The following DGKI variants were observed in gnomAD, a reference collection of about 807,000 sequenced individuals.
DGKI encodes the protein diacylglycerol kinase iota.
Under a neutral mutation model 147.5 loss-of-function variants are expected in DGKI, and 55 were observed. The ratio of observed to expected loss-of-function variants is 0.37; its 90% CI spans 0.30 to 0.47. The LOEUF is 0.47. Ranked by LOEUF, DGKI falls within the 20% of genes least tolerant of loss-of-function variation. DGKI has a pLI of 1.00. For synonymous variants in DGKI, 469 were observed against 477.1 expected (o/e 0.98, Z 0.22); for missense variants, 1,007 against 1,323.8 (o/e 0.76, Z 3.71).
intron 1 of DGKI, among the ~76,000 whole-genome samples, chr7:137,808,998 T>A (rs181065913): frequency 6.6e-6 from 1 of 152,272 alleles, no homozygotes; most frequent in Non-Finnish European, 1.5e-5. Context: ...CCCTTCCCTA[T>A]CACCCAAAAG....
At chr7:137,481,800 G>C (rs574131199) in intron 23 of DGKI, among the ~76,000 whole-genome samples, 1 of 151,854 alleles carries the variant, frequency 6.6e-6, no homozygotes, top group African/African-American at 2.4e-5. Flanking sequence ...GATTTTTCTG[G>C]TCTTAGAAAA....
intron 1 of DGKI, among the ~76,000 whole-genome samples, chr7:137,762,587 T>G (rs1043423480): frequency 6.6e-6 from 1 of 152,242 alleles, no homozygotes; most frequent in Non-Finnish European, 1.5e-5. Flanking sequence ...AGTTGCTGCC[T>G]GAATGTGGAA....
chr7:137,769,107 A>G (rs551874826), intron 1 of DGKI, among the ~76,000 whole-genome samples: 2 of 152,222 alleles, frequency 1.3e-5, no homozygotes, highest in Non-Finnish European at 2.9e-5. Context: ...GGGATTTCGC[A>G]TTCTGATTAC....
intron 3 of DGKI, among the ~76,000 whole-genome samples, chr7:137,663,184 C>A (rs1822506496): frequency 1.3e-5 from 2 of 152,136 alleles, no homozygotes; most frequent in African/African-American, 4.8e-5. Context: ...TATGTGAGTG[C>A]TGTACAGGAT....
rs553249999 is a variant in DGKI at position 137,706,003 on chromosome 7, T to G, written c.402-16001A>C. The stretch of plus-strand genomic sequence containing the variant: ...AAGCTAATTTTTATTGCATTCCTAC[T>G]AGGCACCAAGCATGCTAGTCTATTA... On this transcript the variant is annotated intron_variant, in intron 1 of 32. Transcript: ENST00000614521. Among the ~76,000 whole-genome samples the G allele has an allele frequency of 2.0e-5, 3 of 152,278 alleles. No individual in the cohort carries two copies. In the South Asian group the frequency reaches 6.2e-4, roughly 32 times the overall value.
At chr7:137,642,334 A>T (rs1821658062) in intron 6 of DGKI, among the ~76,000 whole-genome samples, 1 of 152,054 alleles carries the variant, frequency 6.6e-6, no homozygotes, top group Admixed American at 6.6e-5. Context: ...GAGTCTTGTG[A>T]CTGAAAGTTG....
At chr7:137,620,139 C>G (rs78136744) in intron 7 of DGKI, among the ~76,000 whole-genome samples, 199 bp from the exon 8 acceptor site, 2,314 of 152,114 alleles carry the variant, frequency 0.015, 61 homozygotes, top group African/African-American at 0.053. Context: ...TTCCTCATCA[C>G]CACCCAGCCA....
rs1486711877 is a variant in DGKI, at chr7:137,381,508, A to AT, written c.*9711dup. On this transcript the variant is annotated 3_prime_UTR_variant, in exon 33 of 33. Coordinates refer to ENST00000614521, the MANE Select transcript of DGKI (RefSeq NM_001321708.2). ...AATGTGACTGCAACTCTTCATACAG[A>AT]TGTAGCCTTTGCGAGTGGAATACCC... 6.6e-6 allele frequency: 1 copy of AT among 151,776 alleles called. No homozygotes were observed. The highest frequency in any genetic ancestry group is 1.5e-5 in the Non-Finnish European group (1 of 67,962). 9.4% of individuals were successfully genotyped at this position (151,776 alleles called of 1,614,324 possible). A position where few individuals can be genotyped will look rare whatever the true frequency, so the allele number is the denominator to read the frequency against.
intron 1 of DGKI, among the ~76,000 whole-genome samples, chr7:137,838,554 T>C (rs1338148239): frequency 6.6e-6 from 1 of 152,248 alleles, no homozygotes; most frequent in Non-Finnish European, 1.5e-5. Context: ...ATCTTTCTCA[T>C]GTACAAAGGA....
At chr7:137,564,562 T>C (rs1646401) in intron 19 of DGKI, among the ~76,000 whole-genome samples, 16,545 of 150,190 alleles carry the variant, frequency 0.11, 2,037 homozygotes, top group African/African-American at 0.31. Context: ...AAAACACATT[T>C]GACTTCTTTT....
At chr7:137,444,383 A>G (rs2128917557) in intron 27 of DGKI, among the ~76,000 whole-genome samples, 1 of 152,326 alleles carries the variant, frequency 6.6e-6, no homozygotes, top group South Asian at 2.1e-4. Context: ...ACAAAAAAAG[A>G]GAACTCATAG....
chr7:137,582,815 T>C (rs979836851), intron 14 of DGKI, among the ~76,000 whole-genome samples: 2 of 151,980 alleles, frequency 1.3e-5, no homozygotes, highest in African/African-American at 4.8e-5. Flanking sequence ...ATGCGGAAAA[T>C]GTGAGAGTGG....
At chr7:137,395,761 G>A in intron 31 of DGKI, 64 bp from the exon 32 acceptor site, 1 of 1,497,324 alleles carries the variant, frequency 6.7e-7, no homozygotes, top group Non-Finnish European at 9.3e-7. Context: ...GAATGGGTGA[G>A]GGGAGCTGAT....
chr7:137,681,025 A>G (rs2116406316), intron 2 of DGKI, among the ~76,000 whole-genome samples: 1 of 152,284 alleles, frequency 6.6e-6, no homozygotes, highest in South Asian at 2.1e-4. Flanking sequence ...CACAGAAGTG[A>G]GGCAGGAAGG....
intron 7 of DGKI, 42 bp from the exon 8 acceptor site, chr7:137,619,982 G>A (rs371920358): frequency 5.0e-6 from 7 of 1,400,314 alleles, no homozygotes; most frequent in Non-Finnish European, 7.1e-6. Flanking sequence ...TGGTCAAAGA[G>A]TAATGCTGCA....
intron 6 of DGKI, among the ~76,000 whole-genome samples, chr7:137,636,160 T>A (rs1236545341): frequency 6.6e-6 from 1 of 152,106 alleles, no homozygotes; most frequent in African/African-American, 2.4e-5. Flanking sequence ...TATGAACAAT[T>A]TTAATAATAA....
intron 6 of DGKI, among the ~76,000 whole-genome samples, chr7:137,644,438 T>C (rs1229671969): frequency 6.6e-6 from 1 of 152,158 alleles, no homozygotes; most frequent in Non-Finnish European, 1.5e-5. Context: ...TTCCCAGGCA[T>C]TGGGCAAAAC....
At position 137,631,119 on chromosome 7, in the gene DGKI, G is replaced by A. The variant is rs538768770; in HGVS notation, c.805-7565C>T. Among the ~76,000 whole-genome samples, 15 of 152,286 alleles carry A rather than the reference G, an allele frequency of 9.8e-5. No homozygotes were observed. The South Asian group carries it at 2.9e-3, about 29-fold the overall frequency. On this transcript the variant is annotated intron_variant, in intron 6 of 32. Transcript: ENST00000614521. The stretch of plus-strand genomic sequence containing the variant: ...TCTTGCCGATGGTGTGACATTACAG[G>A]AAATAATTGTCTTTACTCTTTAGCC...
intron 17 of DGKI, 56 bp from the exon 18 acceptor site, chr7:137,572,894 A>G (rs1183782807): frequency 7.6e-7 from 1 of 1,315,770 alleles, no homozygotes; most frequent in Non-Finnish European, 1.1e-6. Context: ...CTAAAAACCT[A>G]TGAAAGATAA....
Sources: gnomAD v4.1 joint callset for allele counts (sites outside exome capture counted in the v4.1 genomes callset) on GRCh38, gnomAD v4.1.1 for gene constraint, MANE v1.5 for transcripts, NCBI Gene and HGNC (gene_info 2026-07-23, HGNC 2026-07-21) for gene names.